Variants in SLIT3 observed in about 807,000 individuals in gnomAD.
SLIT3 encodes slit guidance ligand 3, also known as slit homolog 3 protein.
A neutral mutation model predicts 184.0 loss-of-function variants in SLIT3; 68 were observed. The ratio of observed to expected loss-of-function variants is 0.37; its 90% CI spans 0.30 to 0.45. The LOEUF (loss-of-function observed/expected upper bound fraction) is 0.45. Ranked by LOEUF, SLIT3 falls within the 20% of genes least tolerant of loss-of-function variation. The pLI, the probability that SLIT3 is intolerant of heterozygous loss-of-function variation, is 1.00. For synonymous variants in SLIT3, 831 were observed against 828.6 expected, an observed-to-expected ratio of 1.00 and a Z score of -0.05; for missense variants, 1,707 against 2,026.0, an observed-to-expected ratio of 0.84 and a Z score of 3.02.
At chr5:169,035,596 C>T (rs1033899914) in intron 4 of SLIT3, among the ~76,000 whole-genome samples, 2 of 148,588 alleles carry the variant, frequency 1.3e-5, no homozygotes, top group African/African-American at 5.0e-5. Context: ...TTGCAGTGAG[C>T]CAAGATCGCA....
In SLIT3 at chr5:168,845,643, A is replaced by T. The variant is rs190549823; in HGVS notation, c.486-988T>A. On this transcript the variant is annotated intron_variant, in intron 5 of 35. Coordinates refer to ENST00000519560, the MANE Select transcript of SLIT3 (RefSeq NM_003062.4). ...ACCAGGGTTTTTTTTTTCCTAAATC[A>T]AAATATATATAATGTGTAAGTCAGG... 9.5e-4 allele frequency among the ~76,000 whole-genome samples: 144 copies of T among 152,236 alleles called. 1 individual carries two copies. Among genetic ancestry groups the T allele is most frequent in the African/African-American group, 3.0e-3 (126 of 41,534 alleles).
chr5:168,716,714 C>A (rs1386106802), intron 23 of SLIT3, among the ~76,000 whole-genome samples: 1 of 151,812 alleles, frequency 6.6e-6, no homozygotes, highest in African/African-American at 2.4e-5. Flanking sequence ...CATTTCATCC[C>A]ACTCCTCAAT....
At chr5:169,193,449 A>C (rs753454059) in intron 4 of SLIT3, 30 bp downstream of exon 4, 2 of 1,592,798 alleles carry the variant, frequency 1.3e-6, no homozygotes, top group Non-Finnish European at 8.6e-7. Flanking sequence ...GCAAGGCACA[A>C]GGTAGAGAAC....
At chr5:169,057,686 T>TC (rs1455809312) in intron 4 of SLIT3, among the ~76,000 whole-genome samples, 2 of 152,064 alleles carry the variant, frequency 1.3e-5, no homozygotes, top group African/African-American at 4.8e-5. Flanking sequence ...TTATCATGAC[T>TC]CCCCACGGTG....
intron 4 of SLIT3, among the ~76,000 whole-genome samples, chr5:169,084,813 G>A (rs1162300621): frequency 1.3e-5 from 2 of 152,144 alleles, no homozygotes; most frequent in Non-Finnish European, 2.9e-5. Flanking sequence ...GGCCCAGAGG[G>A]GCGCAAATCA....
intron 4 of SLIT3, among the ~76,000 whole-genome samples, chr5:169,044,107 G>A (rs1757540409): frequency 6.6e-6 from 1 of 152,178 alleles, no homozygotes; most frequent in Non-Finnish European, 1.5e-5. Flanking sequence ...CACCCACCAG[G>A]ATGTCTATGC....
At chr5:168,673,067 C>T in intron 33 of SLIT3, 110 bp downstream of exon 33, 1 of 1,019,116 alleles carries the variant, frequency 9.8e-7, no homozygotes, top group Non-Finnish European at 1.5e-6. Context: ...GCTTCGTTGT[C>T]CCTTCCTCCA....
At chr5:169,001,894 G>T (rs547999248) in intron 4 of SLIT3, among the ~76,000 whole-genome samples, 1 of 152,002 alleles carries the variant, frequency 6.6e-6, no homozygotes, top group East Asian at 1.9e-4. Flanking sequence ...ATACAGAATT[G>T]CAGGGCAGCA....
At chr5:168,962,564 G>GAA (rs983493586) in intron 4 of SLIT3, among the ~76,000 whole-genome samples, 1 of 144,284 alleles carries the variant, frequency 6.9e-6, no homozygotes, top group Admixed American at 6.9e-5. Context: ...GAAAAGAAAA[G>GAA]AAAAAAAAAA....
chr5:168,759,737 GGA>G (rs1441262211), intron 16 of SLIT3, among the ~76,000 whole-genome samples: 1 of 152,140 alleles, frequency 6.6e-6, no homozygotes, highest in Non-Finnish European at 1.5e-5. Context: ...GTGAAGGCAC[GGA>G]GAGTCTTGAC....
At chr5:169,061,296 C>T (rs534621898) in intron 4 of SLIT3, among the ~76,000 whole-genome samples, 11 of 152,244 alleles carry the variant, frequency 7.2e-5, no homozygotes, top group South Asian at 4.1e-4. Flanking sequence ...AAGCTCTGAC[C>T]GATGTCTCTC....
chr5:169,122,480 C>T (rs1048964934), intron 4 of SLIT3, among the ~76,000 whole-genome samples: 4 of 152,120 alleles, frequency 2.6e-5, no homozygotes, highest in Non-Finnish European at 5.9e-5. Flanking sequence ...AGGCAAGAAC[C>T]CTGGGAGCCA....
chr5:169,133,094 G>C (rs972798816), intron 4 of SLIT3, among the ~76,000 whole-genome samples: 1 of 152,194 alleles, frequency 6.6e-6, no homozygotes, highest in East Asian at 1.9e-4. Context: ...TGGCTAGCAA[G>C]AGGTGCCTGT....
intron 4 of SLIT3, among the ~76,000 whole-genome samples, chr5:168,957,891 T>C (rs1245590775): frequency 6.6e-6 from 1 of 152,118 alleles, no homozygotes; most frequent in Non-Finnish European, 1.5e-5. Context: ...AACTCATGCA[T>C]TGGGGTGGGG....
chr5:168,870,793 T>C (rs1759486800), intron 5 of SLIT3, among the ~76,000 whole-genome samples: 1 of 152,206 alleles, frequency 6.6e-6, no homozygotes, highest in South Asian at 2.1e-4. Flanking sequence ...ATTTAAATCT[T>C]TATCACTGTT....
intron 24 of SLIT3, 47 bp downstream of exon 24, chr5:168,712,236 T>C: frequency 2.0e-6 from 3 of 1,534,000 alleles, no homozygotes; most frequent in Non-Finnish European, 1.8e-6. Flanking sequence ...GACACTTTCA[T>C]GCTTTCATGT....
At chr5:168,834,806 G>A (rs749450752) in intron 6 of SLIT3, among the ~76,000 whole-genome samples, 7 of 149,368 alleles carry the variant, frequency 4.7e-5, no homozygotes, top group Non-Finnish European at 1.0e-4. Flanking sequence ...CATTCTTAAT[G>A]GATGTGAAAT....
At position 168,932,548 on chromosome 5, in the gene SLIT3, C is replaced by T. The variant is rs556178796; in HGVS notation, c.414-49212G>A. Among the ~76,000 whole-genome samples the T allele has an allele frequency of 6.3e-4, 96 of 152,170 alleles. 1 individual carries two copies. In the Middle Eastern group the frequency reaches 0.014, roughly 22 times the overall value. On this transcript the variant is annotated intron_variant, in intron 4 of 35. Transcript: ENST00000519560. ...TCCTAGTGTACTCACCTCAGCCAGC[C>T]AATCAACGTATGTAAAGGTAGATAG... is the stretch of plus-strand genomic sequence containing the variant.
At position 168,856,806 on chromosome 5, in the gene SLIT3, T is replaced by TGTGTGTGCGC. The variant is rs374432432; in HGVS notation, c.486-12152_486-12151insGCGCACACAC. On this transcript the variant is annotated intron_variant, in intron 5 of 35. Coordinates refer to ENST00000519560, the MANE Select transcript of SLIT3 (RefSeq NM_003062.4). ...GTGTGTGTGTGTGTGTGTGTGTGTG[T>TGTGTGTGCGC]GCGCGCGCGCGCACGCCTTTGTTCA... 5.1e-3 allele frequency among the ~76,000 whole-genome samples: 699 copies of TGTGTGTGCGC among 137,768 alleles called. 1 individual carries two copies. The highest frequency in any genetic ancestry group is 7.3e-3 in the East Asian group (32 of 4,408). The allele number at this position is 137,768 out of a possible 152,430, so 90.4% of individuals were successfully genotyped here.
Sources: gnomAD v4.1 joint callset for allele counts (sites outside exome capture counted in the v4.1 genomes callset) on GRCh38, gnomAD v4.1.1 for gene constraint, MANE v1.5 for transcripts, NCBI Gene and HGNC (gene_info 2026-07-23, HGNC 2026-07-21) for gene names.